The following GPC6 variants were observed in gnomAD, a reference collection of about 807,000 sequenced individuals.
GPC6 encodes glypican 6.
A neutral mutation model predicts 55.2 loss-of-function variants in GPC6; 14 were observed. The observed-to-expected ratio is 0.25, with a 90% CI of 0.17 to 0.40. The LOEUF (loss-of-function observed/expected upper bound fraction) is 0.40. Among genes scored for constraint, GPC6 ranks in the 10% least tolerant of loss-of-function variants. GPC6 has a pLI of 1.00. For missense variants in GPC6, 641 were observed against 708.5 expected (o/e 0.90, Z 1.08); for synonymous variants, 278 against 259.6 (o/e 1.07, Z -0.68).
chr13:94,246,613 ACT>A (rs1891202162), intron 4 of GPC6, among the ~76,000 whole-genome samples: 1 of 151,636 alleles, frequency 6.6e-6, no homozygotes. Context: ...TATCAAGGAG[ACT>A]CTACTTTCTC....
At chr13:93,448,223 A>C (rs1878085232) in intron 1 of GPC6, among the ~76,000 whole-genome samples, 1 of 152,228 alleles carries the variant, frequency 6.6e-6, no homozygotes, top group Non-Finnish European at 1.5e-5. Context: ...AGATGATTGT[A>C]ATATAGCTTA....
rs1429911447 is a variant in GPC6, at chr13:93,688,326, C to G, written c.320-141828C>G. On this transcript the variant is annotated intron_variant, in intron 2 of 8. Transcript: ENST00000377047. ...TAGACTTTATTAGTGCTTAGAAAGCCCTTTCTCATTTAACTATTGTAAAAG... is the reference window on the plus strand; with the variant it reads ...TAGACTTTATTAGTGCTTAGAAAGCGCTTTCTCATTTAACTATTGTAAAAG... Among the ~76,000 whole-genome samples, 6 of 152,028 alleles carry G rather than the reference C, an allele frequency of 3.9e-5. No individual in the cohort carries two copies. In the East Asian group the frequency reaches 1.2e-3, roughly 29 times the overall value.
chr13:94,243,883 T>C (rs1416792470), intron 4 of GPC6, among the ~76,000 whole-genome samples: 1 of 152,156 alleles, frequency 6.6e-6, no homozygotes, highest in African/African-American at 2.4e-5. Context: ...CTGTGCCATG[T>C]AGGCTGGACA....
chr13:94,022,522 T>C (rs2138713928), intron 3 of GPC6, among the ~76,000 whole-genome samples: 1 of 152,200 alleles, frequency 6.6e-6, no homozygotes, highest in Non-Finnish European at 1.5e-5. Context: ...ATCTTGGCTA[T>C]TGTGAATAAA....
intron 2 of GPC6, among the ~76,000 whole-genome samples, chr13:93,722,834 C>T (rs539624475): frequency 1.3e-5 from 2 of 151,828 alleles, no homozygotes; most frequent in Non-Finnish European, 2.9e-5. Flanking sequence ...GTAGACACAT[C>T]GCTCCAATCT....
At chr13:93,474,024 C>A (rs1392296638) in intron 1 of GPC6, among the ~76,000 whole-genome samples, 2 of 152,190 alleles carry the variant, frequency 1.3e-5, no homozygotes, top group African/African-American at 2.4e-5. Flanking sequence ...CTGCAGCCAG[C>A]ACCATGGCAG....
intron 4 of GPC6, among the ~76,000 whole-genome samples, chr13:94,084,338 A>G (rs754735393): frequency 6.6e-6 from 1 of 152,190 alleles, no homozygotes; most frequent in Non-Finnish European, 1.5e-5. Flanking sequence ...CCTTCTACAC[A>G]GTGTTTCAGT....
chr13:94,144,730 T>C (rs1887501881), intron 4 of GPC6, among the ~76,000 whole-genome samples: 1 of 152,140 alleles, frequency 6.6e-6, no homozygotes, highest in Non-Finnish European at 1.5e-5. Flanking sequence ...TTTAATTTGG[T>C]GTAATTCAGA....
At chr13:93,816,959 T>C (rs1886875004) in intron 2 of GPC6, among the ~76,000 whole-genome samples, 1 of 152,232 alleles carries the variant, frequency 6.6e-6, no homozygotes, top group South Asian at 2.1e-4. Flanking sequence ...TTCCCATTAA[T>C]AGACCCTTTC....
intron 2 of GPC6, among the ~76,000 whole-genome samples, chr13:93,736,207 C>G (rs1226782623): frequency 1.3e-5 from 2 of 152,144 alleles, no homozygotes; most frequent in African/African-American, 4.8e-5. Flanking sequence ...CCCTTTAGAG[C>G]TGAAAGCTCT....
At chr13:94,126,453 A>G (rs1442958282) in intron 4 of GPC6, among the ~76,000 whole-genome samples, 1 of 152,140 alleles carries the variant, frequency 6.6e-6, no homozygotes, top group East Asian at 1.9e-4. Context: ...TTTATACTTA[A>G]CAGTACAAGC....
At chr13:93,729,271 C>A (rs1426103036) in intron 2 of GPC6, among the ~76,000 whole-genome samples, 1 of 152,098 alleles carries the variant, frequency 6.6e-6, no homozygotes, top group East Asian at 1.9e-4. Context: ...CAGGAGAGAG[C>A]CATCAAGGTT....
intron 2 of GPC6, among the ~76,000 whole-genome samples, chr13:93,689,225 G>A (rs1029897154): frequency 6.6e-6 from 1 of 151,972 alleles, no homozygotes; most frequent in African/African-American, 2.4e-5. Context: ...TAAAATTGAA[G>A]TATTATTTTT....
intron 1 of GPC6, among the ~76,000 whole-genome samples, chr13:93,409,165 C>G (rs1055010667): frequency 1.3e-5 from 2 of 151,004 alleles, no homozygotes; most frequent in Non-Finnish European, 2.9e-5. Context: ...ATGAGTCAGT[C>G]CCATGCACCC....
chr13:93,380,272 G>A (rs1875102151), intron 1 of GPC6, among the ~76,000 whole-genome samples: 1 of 152,110 alleles, frequency 6.6e-6, no homozygotes, highest in African/African-American at 2.4e-5. Context: ...AGAATTTGAT[G>A]GGTACCTAGA....
chr13:93,432,418 G>A (rs1012104095), intron 1 of GPC6, among the ~76,000 whole-genome samples: 10 of 152,164 alleles, frequency 6.6e-5, no homozygotes, highest in Admixed American at 3.3e-4. Flanking sequence ...TTTGAGCTGG[G>A]CCATGAAGGG....
intron 2 of GPC6, among the ~76,000 whole-genome samples, chr13:93,798,918 C>CAAAAAAAAAAAAAA (rs57665046): frequency 1.2e-5 from 1 of 86,234 alleles, no homozygotes. Context: ...GACTCTGTCT[C>CAAAAAAAAAAAAAA]AAAAAAAAAA....
intron 1 of GPC6, among the ~76,000 whole-genome samples, chr13:93,526,221 C>T (rs968455392): frequency 6.6e-6 from 1 of 151,934 alleles, no homozygotes; most frequent in Non-Finnish European, 1.5e-5. Flanking sequence ...TTCCATAAAT[C>T]GCCATACATC....
intron 4 of GPC6, among the ~76,000 whole-genome samples, chr13:94,278,152 A>G (rs1001068279): frequency 6.6e-6 from 1 of 152,136 alleles, no homozygotes; most frequent in African/African-American, 2.4e-5. Context: ...GGTCCTTCAC[A>G]TCCCTTGTTA....
Sources: allele counts gnomAD v4.1 joint callset (sites outside exome capture counted in the v4.1 genomes callset), GRCh38; gene constraint gnomAD v4.1.1; transcripts MANE v1.5; gene names NCBI Gene and HGNC (gene_info 2026-07-23, HGNC 2026-07-21).